FOXJ3: variants seen among roughly 807,000 people sequenced by gnomAD.
FOXJ3 encodes the protein forkhead box protein J3.
A neutral mutation model predicts 76.1 loss-of-function variants in FOXJ3; 22 were observed. That is an observed-to-expected ratio of 0.29 (90% CI 0.21 to 0.41). The LOEUF (loss-of-function observed/expected upper bound fraction) is 0.41, where lower values mean the gene tolerates loss of function less well. FOXJ3 is among the 10% of genes least tolerant of loss of function. The pLI is 1.00. For missense variants in FOXJ3, 613 were observed against 762.1 expected (o/e 0.80, Z 2.30); for synonymous variants, 269 against 261.2 (o/e 1.03, Z -0.29).
rs899756421 is a variant in FOXJ3 at position 42,179,185 on chromosome 1, G to A, written c.*525C>T. 3.3e-5 allele frequency: 5 copies of A among 152,576 alleles called. No individual in the cohort carries two copies. The highest frequency in any genetic ancestry group is 7.3e-5 in the Non-Finnish European group (5 of 68,036). 9.5% of individuals were successfully genotyped at this position (152,576 alleles called of 1,614,324 possible). On this transcript the variant is annotated 3_prime_UTR_variant, in exon 13 of 13. Transcript: ENST00000361346. ...ACATTTCTAAAAAAGATTAAATAAG[G>A]GGAACTGGGTTTTGGAAAAAATCTA...
At chr1:42,212,134 G>A (rs1481812501) in intron 5 of FOXJ3, among the ~76,000 whole-genome samples, 1 of 152,106 alleles carries the variant, frequency 6.6e-6, no homozygotes, top group Admixed American at 6.5e-5. Flanking sequence ...CGTGCCTGCA[G>A]TCCCAGCTAC....
chr1:42,260,626 A>G (rs549393351), intron 4 of FOXJ3, among the ~76,000 whole-genome samples: 1 of 152,300 alleles, frequency 6.6e-6, no homozygotes, highest in Admixed American at 6.5e-5. Context: ...GTAGGCTATG[A>G]GAGCACCACT....
chr1:42,283,061 G>A (rs769513835), intron 2 of FOXJ3, among the ~76,000 whole-genome samples: 3 of 152,126 alleles, frequency 2.0e-5, no homozygotes, highest in South Asian at 2.1e-4. Context: ...GAAGTCTTTC[G>A]TAAGACAGAA....
chr1:42,218,890 C>A (rs191213256), intron 5 of FOXJ3, among the ~76,000 whole-genome samples: 77 of 152,326 alleles, frequency 5.1e-4, no homozygotes, highest in African/African-American at 1.9e-3. Context: ...TCTCACCATG[C>A]CAAATATATC....
intron 4 of FOXJ3, among the ~76,000 whole-genome samples, chr1:42,232,508 TA>T (rs1270942737): frequency 2.1e-5 from 3 of 140,328 alleles, no homozygotes; most frequent in Non-Finnish European, 4.7e-5. Flanking sequence ...TGTGAGATGG[TA>T]TCTCATTGTG....
At chr1:42,328,794 A>G (rs772914004) in intron 1 of FOXJ3, among the ~76,000 whole-genome samples, 6 of 151,160 alleles carry the variant, frequency 4.0e-5, no homozygotes, top group Non-Finnish European at 7.4e-5. Context: ...AGCTTCCCAA[A>G]TAGCTGGGAC....
chr1:42,236,165 T>G (rs1460340135), intron 4 of FOXJ3, among the ~76,000 whole-genome samples: 1 of 152,148 alleles, frequency 6.6e-6, no homozygotes, highest in Non-Finnish European at 1.5e-5. Context: ...AGGTTTTTGT[T>G]TAAGTGGTTT....
chr1:42,249,467 G>A (rs1649838445), intron 4 of FOXJ3, among the ~76,000 whole-genome samples: 1 of 152,156 alleles, frequency 6.6e-6, no homozygotes, highest in Admixed American at 6.5e-5. Flanking sequence ...GTCAAGAAGT[G>A]AAATAAGTTT....
intron 4 of FOXJ3, among the ~76,000 whole-genome samples, chr1:42,258,940 A>G (rs776803479): frequency 6.6e-6 from 1 of 152,218 alleles, no homozygotes; most frequent in African/African-American, 2.4e-5. Context: ...TTATAGCTCA[A>G]TATCTGTCAA....
chr1:42,181,003 A>G (rs1646306723), intron 12 of FOXJ3, among the ~76,000 whole-genome samples: 1 of 152,246 alleles, frequency 6.6e-6, no homozygotes, highest in Non-Finnish European at 1.5e-5. Context: ...TTCCCCCTTC[A>G]GCAAAGGACA....
chr1:42,214,693 C>T (rs1647030871), intron 5 of FOXJ3, among the ~76,000 whole-genome samples: 1 of 152,152 alleles, frequency 6.6e-6, no homozygotes, highest in Admixed American at 6.5e-5. Flanking sequence ...GCAGCTTTGC[C>T]CCAAGATTAG....
At chr1:42,251,337 C>T (rs879106283) in intron 4 of FOXJ3, among the ~76,000 whole-genome samples, 1 of 152,116 alleles carries the variant, frequency 6.6e-6, no homozygotes, top group Non-Finnish European at 1.5e-5. Context: ...GAATACCCTG[C>T]AAACCCAGGA....
chr1:42,301,544 G>A (rs1325024543), intron 2 of FOXJ3, among the ~76,000 whole-genome samples: 2 of 152,016 alleles, frequency 1.3e-5, no homozygotes, highest in Non-Finnish European at 2.9e-5. Context: ...AAATTCATCT[G>A]ACTGGGTTAA....
In FOXJ3 at chr1:42,181,984, T is replaced by C. The variant is rs1475546273; in HGVS notation, c.1686A>G (p.Ser562=). Residue 562 remains serine (S), a synonymous_variant, in exon 12 of 13, where the codon TCA becomes TCG. Transcript: ENST00000361346. ...YIDSRQNLPP[S]VMPPPGYPHI... ...GAGGATAACCAGGGGGTGGCATCACTGAAGGAGGGAGATTTTGCCTAGAAT... is the reference window on the plus strand; with the variant it reads ...GAGGATAACCAGGGGGTGGCATCACCGAAGGAGGGAGATTTTGCCTAGAAT... 6.2e-7 allele frequency: 1 copy of C among 1,613,280 alleles called. No individual in the cohort carries two copies. The highest frequency in any genetic ancestry group is 1.3e-5 in the African/African-American group (1 of 74,848).
intron 2 of FOXJ3, chr1:42,280,230 TAAACCACATTAAGCA>T: frequency 1.1e-6 from 1 of 877,534 alleles, no homozygotes; most frequent in Middle Eastern, 5.9e-4. Context: ...CACTATAAAG[TAAACCACATTAAGCA>T]AAAGCAATTA....
chr1:42,287,593 A>G (rs1163355597), intron 2 of FOXJ3, among the ~76,000 whole-genome samples: 1 of 152,134 alleles, frequency 6.6e-6, no homozygotes, highest in Non-Finnish European at 1.5e-5. Flanking sequence ...GTCTCTCCAA[A>G]TCATTCCACA....
intron 2 of FOXJ3, among the ~76,000 whole-genome samples, chr1:42,289,924 G>A (rs1368869328): frequency 1.3e-5 from 2 of 151,724 alleles, no homozygotes; most frequent in African/African-American, 2.4e-5. Flanking sequence ...ATTTAAAAAA[G>A]GACAAAAAGA....
chr1:42,282,087 CA>C (rs1251589055), intron 2 of FOXJ3, among the ~76,000 whole-genome samples: 1 of 149,840 alleles, frequency 6.7e-6, no homozygotes, highest in Non-Finnish European at 1.5e-5. Flanking sequence ...AAAAAAGAAA[CA>C]AACAAACTTA....
chr1:42,281,050 C>T (rs1652672721), intron 2 of FOXJ3, among the ~76,000 whole-genome samples: 1 of 152,050 alleles, frequency 6.6e-6, no homozygotes, highest in African/African-American at 2.4e-5. Flanking sequence ...TGCAGGTGCT[C>T]CCTACTGAGA....
Sources: gnomAD v4.1 joint callset for allele counts (sites outside exome capture counted in the v4.1 genomes callset) on GRCh38, gnomAD v4.1.1 for gene constraint, MANE v1.5 for transcripts, NCBI Gene and HGNC (gene_info 2026-07-23, HGNC 2026-07-21) for gene names.